CDH17: variants seen among roughly 807,000 people sequenced by gnomAD.
CDH17 encodes cadherin 17, also known as cadherin-17.
Under a neutral mutation model 86.3 loss-of-function variants are expected in CDH17, and 67 were observed. The observed-to-expected ratio is 0.78, with a 90% CI of 0.64 to 0.95. CDH17 has a LOEUF of 0.95. Among genes scored for constraint, CDH17 ranks in the 40% least tolerant of loss-of-function variants. CDH17 has a pLI of 0.00. For synonymous variants in CDH17, 367 were observed against 366.4 expected (o/e 1.00, Z -0.02); for missense variants, 993 against 1,017.6 (o/e 0.98, Z 0.33).
intron 14 of CDH17, among the ~76,000 whole-genome samples, chr8:94,148,109 A>G (rs536632507): frequency 1.1e-4 from 17 of 152,324 alleles, no homozygotes; most frequent in African/African-American, 4.1e-4. Context: ...CTCCTGGGGG[A>G]AACCCACAAC....
intron 10 of CDH17, among the ~76,000 whole-genome samples, chr8:94,163,897 T>G (rs1813106269): frequency 6.6e-6 from 1 of 152,230 alleles, no homozygotes; most frequent in East Asian, 1.9e-4. Flanking sequence ...ACACCTCGTT[T>G]GACCAGCAGT....
chr8:94,151,678 G>A (rs969807925), intron 13 of CDH17, among the ~76,000 whole-genome samples, 190 bp downstream of exon 13: 1 of 152,176 alleles, frequency 6.6e-6, no homozygotes, highest in Admixed American at 6.5e-5. Context: ...GAGCCTAGAT[G>A]GTTATTGATG....
chr8:94,179,347 T>C (rs1157952257), intron 3 of CDH17, among the ~76,000 whole-genome samples: 4 of 152,214 alleles, frequency 2.6e-5, no homozygotes, highest in African/African-American at 9.6e-5. Flanking sequence ...CCATTAGCAA[T>C]TGTTCAACAT....
rs1803780417 is a variant in CDH17 at position 94,127,730 on chromosome 8, AAACACAAGTAGCT to A, written c.*497_*509del. 1 of 153,164 alleles carries A rather than the reference AAACACAAGTAGCT, an allele frequency of 6.5e-6. No individual in the cohort carries two copies. The highest frequency in any genetic ancestry group is 6.5e-5 in the Admixed American group (1 of 15,402). 9.5% of individuals were successfully genotyped at this position (153,164 alleles called of 1,614,324 possible). ...GAGTCTGTCTTGCCCCAAAAGGGAA[AAACACAAGTAGCT>A]AAGCCATTTGCAGAGAGGAAAAATG... is the stretch of plus-strand genomic sequence containing the variant. On this transcript the variant is annotated 3_prime_UTR_variant, in exon 18 of 18. Transcript: ENST00000027335.
chr8:94,180,943 C>CAA (rs59930370), intron 3 of CDH17, among the ~76,000 whole-genome samples: 178 of 69,774 alleles, frequency 2.6e-3, no homozygotes, highest in African/African-American at 7.0e-3. Context: ...ACAAACAAAC[C>CAA]AAAAAAAAAA....
At chr8:94,204,045 G>C (rs1813975297) in intron 1 of CDH17, among the ~76,000 whole-genome samples, 1 of 152,214 alleles carries the variant, frequency 6.6e-6, no homozygotes, top group Non-Finnish European at 1.5e-5. Flanking sequence ...GTCCCCTGGA[G>C]AACTTAAAAT....
Position 94,176,591 on chromosome 8 carries a change from G to T in CDH17, c.374C>A (p.Thr125Lys). The T allele has an allele frequency of 6.2e-7, 1 of 1,613,864 alleles. No individual in the cohort carries two copies. The highest frequency in any genetic ancestry group is 1.7e-5 in the Admixed American group (1 of 60,008). Residue 125 changes from threonine (T) to lysine (K), a missense_variant, in exon 5 of 18, where the codon ACG (threonine) becomes AAG (lysine). Physicochemically the swap from Thr to Lys is moderately conservative, Grantham distance 78. Coordinates refer to ENST00000027335, the MANE Select transcript of CDH17 (RefSeq NM_004063.4). ...KVKDINDNRP[T>K]FLQSKYEGSV... ...GCCTTCGTACTTTGACTGGAGAAACGTGGGTCGATTGTCGTTGATGTCCTT... is the reference window on the plus strand; with the variant it reads ...GCCTTCGTACTTTGACTGGAGAAACTTGGGTCGATTGTCGTTGATGTCCTT...
At chr8:94,180,096 A>AAAATAG (rs1259756026) in intron 3 of CDH17, among the ~76,000 whole-genome samples, 2 of 152,156 alleles carry the variant, frequency 1.3e-5, no homozygotes, top group African/African-American at 4.8e-5. Context: ...ATATTGATTA[A>AAAATAG]AAATAGAAAT....
intron 12 of CDH17, 84 bp downstream of exon 12, chr8:94,159,887 C>T: frequency 2.9e-6 from 3 of 1,017,526 alleles, no homozygotes; most frequent in Non-Finnish European, 4.2e-6. Flanking sequence ...TAATACATCA[C>T]CTCTGCTTAT....
intron 3 of CDH17, among the ~76,000 whole-genome samples, chr8:94,182,391 A>T (rs1227319605): frequency 1.3e-5 from 2 of 152,182 alleles, no homozygotes; most frequent in African/African-American, 4.8e-5. Context: ...TAGCAAACTG[A>T]ATCCAGCAAC....
chr8:94,148,618 C>T (rs1051612180), intron 14 of CDH17, 126 bp downstream of exon 14: 1 of 572,822 alleles, frequency 1.7e-6, no homozygotes, highest in Non-Finnish European at 2.8e-6. Context: ...CATCCTTCCA[C>T]TTTAAGGTTG....
intron 15 of CDH17, among the ~76,000 whole-genome samples, chr8:94,133,622 CT>C (rs1180213371): frequency 6.6e-6 from 1 of 152,164 alleles, no homozygotes; most frequent in Admixed American, 6.5e-5. Context: ...ATTTGACTTC[CT>C]CTTTTCCTAA....
At chr8:94,144,043 C>T (rs1812688321) in intron 15 of CDH17, among the ~76,000 whole-genome samples, 1 of 152,230 alleles carries the variant, frequency 6.6e-6, no homozygotes, top group Admixed American at 6.5e-5. Context: ...ATAACATCCT[C>T]ACTAAGCTAA....
chr8:94,156,142 G>A (rs1384053686), intron 12 of CDH17, among the ~76,000 whole-genome samples: 1 of 152,162 alleles, frequency 6.6e-6, no homozygotes, highest in African/African-American at 2.4e-5. Flanking sequence ...CTCATACCAC[G>A]ATTCCTTTTG....
intron 12 of CDH17, among the ~76,000 whole-genome samples, chr8:94,159,072 C>T (rs1034932406): frequency 1.3e-5 from 2 of 152,128 alleles, no homozygotes; most frequent in African/African-American, 4.8e-5. Flanking sequence ...AGTATCTTAA[C>T]TGTAAGTACA....
intron 10 of CDH17, 101 bp downstream of exon 10, chr8:94,165,660 T>A (rs1813137467): frequency 3.7e-6 from 3 of 807,138 alleles, no homozygotes; most frequent in Non-Finnish European, 6.4e-6. Context: ...AATGTTTAAA[T>A]GGCATCATTC....
chr8:94,167,423 C>T (rs1813178376), intron 9 of CDH17, among the ~76,000 whole-genome samples: 2 of 152,074 alleles, frequency 1.3e-5, no homozygotes, highest in Non-Finnish European at 2.9e-5. Flanking sequence ...TCCACTGACG[C>T]ATATGGAAAT....
At position 94,160,027 on chromosome 8, in the gene CDH17, G is replaced by C; in HGVS notation, c.1495C>G (p.Arg499Gly). 3.1e-6 allele frequency: 5 copies of C among 1,613,552 alleles called. No individual in the cohort carries two copies. Among genetic ancestry groups the C allele is most frequent in the Non-Finnish European group, 4.2e-6 (5 of 1,179,686 alleles). Reference protein sequence around the residue: ...YHIIKGDSEGRLGVDTDPHTN... With the variant: ...YHIIKGDSEGGLGVDTDPHTN... ...TGGGGATCTGTGTCAACCCCCAGGC[G>C]TCCCTCACTGTCTCCCTTTATGATA... The change falls in exon 12 of 18, where the codon CGC (arginine) becomes GGC (glycine). Residue 499 changes from arginine (R) to glycine (G), a missense_variant. Coordinates refer to ENST00000027335, the MANE Select transcript of CDH17 (RefSeq NM_004063.4).
At position 94,130,981 on chromosome 8, in the gene CDH17, G is replaced by T. The variant is rs1397294714; in HGVS notation, c.2179C>A (p.Arg727=). The change falls in exon 16 of 18, where the codon CGA becomes AGA. Residue 727 remains arginine (R), a synonymous_variant. Transcript: ENST00000027335. ...EVSKINGTHA[R]LSTRHTEFEE... ...AACTCTGTGTGCCTGGTAGACAGTC[G>T]GGCATGAGTACCTGCCAGGACAGGA... 3 of 1,562,528 alleles carry T rather than the reference G, an allele frequency of 1.9e-6. No homozygotes were observed. Among genetic ancestry groups the T allele is most frequent in the Admixed American group, 1.7e-5 (1 of 59,754 alleles).
Sources: gnomAD v4.1 joint callset for allele counts (sites outside exome capture counted in the v4.1 genomes callset) on GRCh38, gnomAD v4.1.1 for gene constraint, MANE v1.5 for transcripts, NCBI Gene and HGNC (gene_info 2026-07-23, HGNC 2026-07-21) for gene names.